The following KLHL13 variants were observed in gnomAD, a reference collection of about 807,000 sequenced individuals.
KLHL13 encodes kelch-like protein 13.
In KLHL13, 10 loss-of-function variants were observed where a neutral mutation model predicts 37.1. That is an observed-to-expected ratio of 0.27 (90% CI 0.17 to 0.46). KLHL13 has a LOEUF of 0.46. Ranked by LOEUF, KLHL13 falls within the 20% of genes least tolerant of loss-of-function variation. KLHL13 has a pLI of 1.00. For missense variants in KLHL13, 360 were observed against 509.3 expected (o/e 0.71, Z 2.82); for synonymous variants, 163 against 181.2 (o/e 0.90, Z 0.81).
intron 1 of KLHL13, among the ~76,000 whole-genome samples, chrX:117,964,116 G>A (rs1377713404): frequency 9.0e-5 from 9 of 99,466 alleles, no homozygotes; most frequent in African/African-American, 1.1e-4. Flanking sequence ...TGGGTGCAGC[G>A]CACCAGCATG....
intron 1 of KLHL13, among the ~76,000 whole-genome samples, chrX:117,979,650 A>G (rs1393417825): frequency 9.0e-6 from 1 of 111,674 alleles, no homozygotes. Context: ...TAAACCTGCT[A>G]TTACCAAAAG....
chrX:117,922,722 T>C (rs1368477157), intron 2 of KLHL13, among the ~76,000 whole-genome samples: 1 of 112,017 alleles, frequency 8.9e-6, no homozygotes, highest in African/African-American at 3.2e-5. Context: ...CCCAAACTTG[T>C]GTTTGTTTTA....
intron 1 of KLHL13, among the ~76,000 whole-genome samples, chrX:118,024,163 A>G (rs771140490): frequency 3.6e-5 from 4 of 112,296 alleles, no homozygotes; most frequent in Non-Finnish European, 7.5e-5. Context: ...TTACAAAGGT[A>G]TTAGCTTAGA....
chrX:118,100,942 T>C (rs2055281106), intron 1 of KLHL13, among the ~76,000 whole-genome samples: 1 of 111,631 alleles, frequency 9.0e-6, no homozygotes, highest in Admixed American at 9.6e-5. Context: ...CTCAATCACC[T>C]CTTTCATGTC....
intron 6 of KLHL13, among the ~76,000 whole-genome samples, chrX:117,900,411 C>T (rs917498027): frequency 2.7e-5 from 3 of 112,026 alleles, no homozygotes; most frequent in African/African-American, 6.5e-5. Flanking sequence ...CTGCAATATA[C>T]GCCAGTTATG....
intron 1 of KLHL13, among the ~76,000 whole-genome samples, chrX:118,031,496 GAT>G (rs772255473): frequency 0.011 from 928 of 84,381 alleles, 17 homozygotes; most frequent in African/African-American, 0.044. Flanking sequence ...TATATATTTA[GAT>G]ATATATATAT....
At chrX:117,966,569 C>T (rs2053435776) in intron 1 of KLHL13, among the ~76,000 whole-genome samples, 1 of 111,265 alleles carries the variant, frequency 9.0e-6, no homozygotes, top group Non-Finnish European at 1.9e-5. Context: ...CTTTAAAGTT[C>T]ATATGGAACC....
At chrX:118,093,550 T>A (rs1200569916) in intron 1 of KLHL13, among the ~76,000 whole-genome samples, 1 of 112,006 alleles carries the variant, frequency 8.9e-6, no homozygotes, top group Non-Finnish European at 1.9e-5. Flanking sequence ...ACAGGATGTG[T>A]GCTGATGTAT....
At chrX:118,005,099 T>A (rs1452593194) in intron 1 of KLHL13, among the ~76,000 whole-genome samples, 1 of 111,719 alleles carries the variant, frequency 9.0e-6, no homozygotes, top group East Asian at 2.8e-4. Context: ...ACTTTTGGGA[T>A]AACTGGAAAA....
At chrX:118,038,396 T>A (rs1437619666) in intron 1 of KLHL13, among the ~76,000 whole-genome samples, 1 of 112,033 alleles carries the variant, frequency 8.9e-6, no homozygotes, top group Admixed American at 9.4e-5. Flanking sequence ...AAAAAGGCCC[T>A]GAAGATTGTA....
chrX:117,980,643 T>C (rs896212518), intron 1 of KLHL13, among the ~76,000 whole-genome samples: 5 of 111,421 alleles, frequency 4.5e-5, no homozygotes, highest in African/African-American at 1.6e-4. Flanking sequence ...AATGACTAAT[T>C]AAGACTATTT....
Position 118,072,392 on chromosome X carries a change from G to C in KLHL13, c.-56+44116C>G, listed in dbSNP as rs2054879617. On this transcript the variant is annotated intron_variant, in intron 1 of 6. Transcript: ENST00000371882. ...CATAAAAACCCTAGAAGAAAACCTA[G>C]GCATTACCATTCAGGACATAGGCAT... Among the ~76,000 whole-genome samples, 4 of 112,498 alleles carry C rather than the reference G, an allele frequency of 3.6e-5. No individual in the cohort carries two copies. In the South Asian group the frequency reaches 1.5e-3, roughly 41 times the overall value.
At chrX:118,024,847 T>A (rs188612887) in intron 1 of KLHL13, among the ~76,000 whole-genome samples, 1 of 112,331 alleles carries the variant, frequency 8.9e-6, no homozygotes, top group Admixed American at 9.5e-5. Flanking sequence ...GCTTACTCTA[T>A]GTCCCAGCAG....
chrX:118,092,372 T>C (rs1479973714), intron 1 of KLHL13, among the ~76,000 whole-genome samples: 1 of 110,993 alleles, frequency 9.0e-6, no homozygotes, highest in Non-Finnish European at 1.9e-5. Flanking sequence ...TCAGAAACCA[T>C]GGAGGCCATA....
At chrX:117,977,914 G>T (rs973183751), upstream of KLHL13, among the ~76,000 whole-genome samples, 11 of 112,041 alleles carry the variant, frequency 9.8e-5, no homozygotes, top group African/African-American at 3.6e-4. Flanking sequence ...GTGTTTGTGT[G>T]TATCTCTTAA....
chrX:118,093,241 A>G (rs1267022608), intron 1 of KLHL13, among the ~76,000 whole-genome samples: 2 of 112,233 alleles, frequency 1.8e-5, no homozygotes, highest in East Asian at 5.5e-4. Context: ...ACTAAAAGCC[A>G]AAGTTCCTTT....
Position 118,041,456 on chromosome X carries a change from G to A in KLHL13, c.-56+75052C>T, listed in dbSNP as rs142058790. 1.5e-3 allele frequency among the ~76,000 whole-genome samples: 163 copies of A among 111,303 alleles called. 2 individuals carry two copies. Among genetic ancestry groups the A allele is most frequent in the African/African-American group, 5.2e-3 (159 of 30,629 alleles). On this transcript the variant is annotated intron_variant, in intron 1 of 6. Coordinates refer to the KLHL13 transcript ENST00000371882. ...GTGGGTGGATCACTTAAGGCCAGGAGGTCTCGAGGCTACAGTGAGCTGAGA... is the reference window on the plus strand; with the variant it reads ...GTGGGTGGATCACTTAAGGCCAGGAAGTCTCGAGGCTACAGTGAGCTGAGA...
chrX:118,078,820 A>G (rs1221864350), intron 1 of KLHL13, among the ~76,000 whole-genome samples: 2 of 111,851 alleles, frequency 1.8e-5, no homozygotes, highest in Non-Finnish European at 3.8e-5. Flanking sequence ...TGTATATTTA[A>G]CTTTGTAAGA....
chrX:117,952,909 G>T (rs1303463913), intron 1 of KLHL13, among the ~76,000 whole-genome samples: 3 of 109,264 alleles, frequency 2.7e-5, no homozygotes, highest in African/African-American at 1.0e-4. Context: ...GAAACAACAG[G>T]TGCTGGAGAG....
Sources: allele counts gnomAD v4.1 joint callset (sites outside exome capture counted in the v4.1 genomes callset), GRCh38; gene constraint gnomAD v4.1.1; transcripts MANE v1.5; gene names NCBI Gene and HGNC (gene_info 2026-07-23, HGNC 2026-07-21).